Variants in CEMIP observed in about 807,000 individuals in gnomAD.
CEMIP encodes the protein cell migration-inducing and hyaluronan-binding protein.
Under a neutral mutation model 156.9 loss-of-function variants are expected in CEMIP, and 105 were observed. The ratio of observed to expected loss-of-function variants is 0.67; its 90% confidence interval spans 0.57 to 0.79. The LOEUF (loss-of-function observed/expected upper bound fraction) is 0.79. Ranked by LOEUF, CEMIP falls within the 30% of genes least tolerant of loss-of-function variation. The probability of loss-of-function intolerance (pLI) is 0.00; values close to 1 mark genes in which losing one functional copy is unlikely to be tolerated. For missense variants in CEMIP, 1,457 were observed against 1,769.4 expected (o/e 0.82, Z 3.17); for synonymous variants, 676 against 668.4 (o/e 1.01, Z -0.17).
intron 1 of CEMIP, among the ~76,000 whole-genome samples, chr15:80,848,105 G>C (rs1164155701): frequency 1.3e-5 from 2 of 152,200 alleles, no homozygotes; most frequent in Non-Finnish European, 2.9e-5. Context: ...AGATGACCCA[G>C]ATGAAATAGA....
chr15:80,942,668 A>G (rs902846056), intron 27 of CEMIP, among the ~76,000 whole-genome samples: 3 of 152,204 alleles, frequency 2.0e-5, no homozygotes, highest in African/African-American at 7.2e-5. Flanking sequence ...AAAATCCAGA[A>G]GGTTTAATCA....
At chr15:80,927,080 T>A (rs371873628) in intron 19 of CEMIP, among the ~76,000 whole-genome samples, 1 of 152,246 alleles carries the variant, frequency 6.6e-6, no homozygotes, top group South Asian at 2.1e-4. Context: ...TCGCCCGCCT[T>A]GGCCTCCCAA....
intron 1 of CEMIP, among the ~76,000 whole-genome samples, chr15:80,866,117 TTGGACTTGA>T (rs1251602286): frequency 2.0e-5 from 3 of 152,100 alleles, no homozygotes; most frequent in African/African-American, 7.2e-5. Flanking sequence ...GAGGAGGGAT[TTGGACTTGA>T]TGGCACAGCA....
chr15:80,950,788 G>A lies in CEMIP; in HGVS notation c.*1864G>A, dbSNP rs1332990593. The A allele has an allele frequency of 1.3e-5, 2 of 152,488 alleles. No homozygotes were observed. The highest frequency in any genetic ancestry group is 2.4e-5 in the African/African-American group (1 of 41,266). 9.4% of individuals were successfully genotyped at this position (152,488 alleles called of 1,614,324 possible). ...CTGTAAGAGGGAGAACTCTATCTGTGGTTTATAATCTTGCACGAGGCACCA... is the reference window on the plus strand; with the variant it reads ...CTGTAAGAGGGAGAACTCTATCTGTAGTTTATAATCTTGCACGAGGCACCA... On this transcript the variant is annotated 3_prime_UTR_variant, in exon 30 of 30. Transcript: ENST00000394685.
At chr15:80,934,854 T>G (rs1296570291) in intron 23 of CEMIP, among the ~76,000 whole-genome samples, 1 of 152,194 alleles carries the variant, frequency 6.6e-6, no homozygotes, top group Non-Finnish European at 1.5e-5. Flanking sequence ...TGTTTCTCTC[T>G]GCAGTAGAAT....
At position 80,950,699 on chromosome 15, in the gene CEMIP, T is replaced by G. The variant is rs1901780183; in HGVS notation, c.*1775T>G. 6.5e-6 allele frequency: 1 copy of G among 152,702 alleles called. No individual in the cohort carries two copies. Among genetic ancestry groups the G allele is most frequent in the Non-Finnish European group, 1.5e-5 (1 of 68,162 alleles). The allele number at this position is 152,702 out of a possible 1,614,324, so 9.5% of individuals were successfully genotyped here. The stretch of plus-strand genomic sequence containing the variant: ...CAGCTATTGGGTCCACCCCAGTCCC[T>G]TTCAGCTGCTGCTTAATGCCCTGCT... On this transcript the variant is annotated 3_prime_UTR_variant, in exon 30 of 30. Transcript: ENST00000394685.
chr15:80,780,879 G>T (rs1397017001), intron 1 of CEMIP, among the ~76,000 whole-genome samples: 1 of 152,208 alleles, frequency 6.6e-6, no homozygotes, highest in Non-Finnish European at 1.5e-5. Flanking sequence ...GCGTTGGGGC[G>T]CTGGGAAAGA....
chr15:80,872,524 G>C (rs1233422985), intron 1 of CEMIP, among the ~76,000 whole-genome samples: 1 of 151,750 alleles, frequency 6.6e-6, no homozygotes, highest in African/African-American at 2.4e-5. Context: ...TAAAATCGAA[G>C]TTTAATAAAC....
intron 19 of CEMIP, among the ~76,000 whole-genome samples, chr15:80,927,129 G>T (rs1044852553): frequency 2.0e-5 from 3 of 152,192 alleles, no homozygotes; most frequent in African/African-American, 4.8e-5. Flanking sequence ...GTGCCCAGCC[G>T]CAGGGCCTTC....
chr15:80,783,431 T>C (rs1895847724), intron 1 of CEMIP, among the ~76,000 whole-genome samples: 1 of 152,240 alleles, frequency 6.6e-6, no homozygotes, highest in African/African-American at 2.4e-5. Flanking sequence ...GCTTGTTTTT[T>C]ACCATTATCT....
chr15:80,902,089 T>C (rs927650727), intron 12 of CEMIP, among the ~76,000 whole-genome samples: 1 of 152,234 alleles, frequency 6.6e-6, no homozygotes, highest in Non-Finnish European at 1.5e-5. Flanking sequence ...CTGAGCTACA[T>C]GTGCACACTC....
rs538165088 is a variant in CEMIP at position 80,907,020 on chromosome 15, C to G, written c.1587+182C>G. Among the ~76,000 whole-genome samples, 8 of 148,034 alleles carry G rather than the reference C, an allele frequency of 5.4e-5. No homozygotes were observed. The East Asian group carries it at 8.0e-4, about 15-fold the overall frequency. The stretch of plus-strand genomic sequence containing the variant: ...ATCCATTAGTGTGCAGCTCCCCCCC[C>G]ACCAATATTTGGGAATAAGAGAGAT... On this transcript the variant is annotated intron_variant, in intron 13 of 29. Coordinates refer to ENST00000394685, the MANE Select transcript of CEMIP (RefSeq NM_001293298.2).
chr15:80,919,038 A>T (rs1345308908), intron 14 of CEMIP, among the ~76,000 whole-genome samples: 2 of 152,194 alleles, frequency 1.3e-5, no homozygotes, highest in Non-Finnish European at 2.9e-5. Context: ...CTGAAACTGC[A>T]TCCCTGGTAT....
Position 80,928,945 on chromosome 15 carries a change from C to T in CEMIP, c.2456+8C>T. On this transcript the variant is annotated splice_region_variant and intron_variant, in intron 20 of 29. Transcript: ENST00000394685. ...TGGCCTGACCCTGGCCAGGTAAGGG[C>T]AACTGTCATTGTACTTGGTCCTCTG... 1 of 1,614,216 alleles carries T rather than the reference C, an allele frequency of 6.2e-7. No homozygotes were observed. The highest frequency in any genetic ancestry group is 1.3e-5 in the African/African-American group (1 of 75,062).
chr15:80,916,827 T>G (rs1900290640), intron 14 of CEMIP, among the ~76,000 whole-genome samples: 1 of 152,170 alleles, frequency 6.6e-6, no homozygotes, highest in South Asian at 2.1e-4. Context: ...TCCTCGGCCT[T>G]ATCATGCTTC....
rs1161182470 is a variant in CEMIP, at chr15:80,909,151, G to C, written c.1642G>C (p.Gly548Arg). 3.7e-6 allele frequency: 6 copies of C among 1,614,128 alleles called. No homozygotes were observed. The highest frequency in any genetic ancestry group is 3.4e-6 in the Non-Finnish European group (4 of 1,180,026). ...GGAGGGCACGGAGCTGAAGCATATG[G>C]GACAGCAGCTGGTGGGTCAGTACCC... ...HLEGTELKHM[G>R]QQLVGQYPIH... The change falls in exon 14 of 30, where the codon GGA (glycine) becomes CGA (arginine). Residue 548 changes from glycine (G) to arginine (R), a missense_variant. Around this residue, in one of 5 missense-constraint regions of CEMIP, gnomAD observed 53 missense variants for 104.5 expected, o/e 0.51. Coordinates refer to ENST00000394685, the MANE Select transcript of CEMIP (RefSeq NM_001293298.2).
intron 1 of CEMIP, among the ~76,000 whole-genome samples, chr15:80,788,987 T>C (rs1193055236): frequency 2.0e-5 from 3 of 152,262 alleles, no homozygotes; most frequent in Admixed American, 2.0e-4. Context: ...TTTTGGTTTT[T>C]AAAGTGTTGC....
chr15:80,916,174 C>A (rs1040418423), intron 14 of CEMIP, among the ~76,000 whole-genome samples: 4 of 152,170 alleles, frequency 2.6e-5, no homozygotes, highest in African/African-American at 9.7e-5. Context: ...GACGTGTTGT[C>A]CCAGCTTAAC....
intron 14 of CEMIP, among the ~76,000 whole-genome samples, chr15:80,913,231 C>T (rs1900135237): frequency 6.6e-6 from 1 of 152,222 alleles, no homozygotes; most frequent in Non-Finnish European, 1.5e-5. Flanking sequence ...CTTTCTTCAC[C>T]ACCAACTCTT....
Sources: gnomAD v4.1 joint callset for allele counts (sites outside exome capture counted in the v4.1 genomes callset) on GRCh38, gnomAD v4.1.1 for gene constraint, gnomAD v4.1.1 regional missense constraint, MANE v1.5 for transcripts, NCBI Gene and HGNC (gene_info 2026-07-23, HGNC 2026-07-21) for gene names.